EYS: variants seen among roughly 807,000 people sequenced by gnomAD.
EYS encodes protein eyes shut homolog.
EYS carries 250 observed loss-of-function variants against 282.1 expected under a neutral mutation model. That is an observed-to-expected ratio of 0.89 (90% CI 0.80 to 0.98). The LOEUF is 0.98. EYS is among the 50% of genes least tolerant of loss of function. The probability of loss-of-function intolerance (pLI) is 0.00; values close to 1 mark genes in which losing one functional copy is unlikely to be tolerated. For missense variants in EYS, 4,016 were observed against 3,709.0 expected, an observed-to-expected ratio of 1.08 and a Z score of -2.15; for synonymous variants, 1,355 against 1,282.9, an observed-to-expected ratio of 1.06 and a Z score of -1.20.
At chr6:64,235,302 A>G (rs1209817337) in intron 30 of EYS, among the ~76,000 whole-genome samples, 2 of 131,526 alleles carry the variant, frequency 1.5e-5, no homozygotes, top group East Asian at 2.3e-4. Flanking sequence ...ATGTGTCCTC[A>G]TTGTTCAATT....
chr6:64,257,478 T>C (rs1396884924), intron 30 of EYS, among the ~76,000 whole-genome samples: 1 of 152,046 alleles, frequency 6.6e-6, no homozygotes, highest in Non-Finnish European at 1.5e-5. Flanking sequence ...CCCTCATCTG[T>C]GTCCCAAAGT....
chr6:64,538,894 A>G (rs1764610235), intron 26 of EYS, among the ~76,000 whole-genome samples: 1 of 152,236 alleles, frequency 6.6e-6, no homozygotes, highest in Non-Finnish European at 1.5e-5. Context: ...CTACTCCACC[A>G]GGAATAACAT....
chr6:65,382,927 T>C (rs575209525), intron 8 of EYS, among the ~76,000 whole-genome samples: 1 of 152,108 alleles, frequency 6.6e-6, no homozygotes, highest in South Asian at 2.1e-4. Flanking sequence ...GGTCAATACT[T>C]GACATCCTTG....
At chr6:65,295,525 A>C (rs1768636540) in intron 12 of EYS, among the ~76,000 whole-genome samples, 1 of 151,960 alleles carries the variant, frequency 6.6e-6, no homozygotes, top group Non-Finnish European at 1.5e-5. Context: ...AAAAGGTTGA[A>C]ATGCAGTACT....
intron 2 of EYS, among the ~76,000 whole-genome samples, chr6:65,593,949 G>T (rs1405742673): frequency 6.6e-6 from 1 of 151,894 alleles, no homozygotes; most frequent in African/African-American, 2.4e-5. Flanking sequence ...CAAGGAACTT[G>T]GAGCATAGAG....
intron 22 of EYS, among the ~76,000 whole-genome samples, chr6:64,716,252 G>T (rs1021029684): frequency 6.6e-6 from 1 of 152,166 alleles, no homozygotes; most frequent in African/African-American, 2.4e-5. Flanking sequence ...AGTCATGGTA[G>T]CCGCTCCATC....
chr6:64,466,758 A>G (rs769448620), intron 26 of EYS, among the ~76,000 whole-genome samples: 1 of 152,172 alleles, frequency 6.6e-6, no homozygotes, highest in Non-Finnish European at 1.5e-5. Flanking sequence ...TACTACCACA[A>G]AAATTGATAT....
chr6:63,928,976 A>G (rs16894686), intron 35 of EYS, among the ~76,000 whole-genome samples: 3,926 of 152,284 alleles, frequency 0.026, 146 homozygotes, highest in African/African-American at 0.089. Flanking sequence ...TATGATTTAT[A>G]CAAATCCACA....
intron 12 of EYS, among the ~76,000 whole-genome samples, chr6:65,076,576 C>G (rs370293841): frequency 7.9e-5 from 12 of 151,706 alleles, no homozygotes; most frequent in Non-Finnish European, 1.5e-4. Flanking sequence ...TAGAAAGCAA[C>G]AAAATTATGA....
chr6:63,757,966 T>C (rs962891106), intron 41 of EYS, among the ~76,000 whole-genome samples: 1 of 152,206 alleles, frequency 6.6e-6, no homozygotes, highest in African/African-American at 2.4e-5. Context: ...AGTGGCATGA[T>C]CACAGCTCAC....
chr6:64,967,598 G>A (rs527285168), intron 14 of EYS, among the ~76,000 whole-genome samples: 15 of 152,204 alleles, frequency 9.9e-5, no homozygotes, highest in Admixed American at 2.6e-4. Flanking sequence ...GATTACAGGC[G>A]TGAGCCACAG....
At chr6:64,538,480 GT>G (rs775771530) in intron 26 of EYS, among the ~76,000 whole-genome samples, 8 of 152,042 alleles carry the variant, frequency 5.3e-5, no homozygotes, top group Non-Finnish European at 1.0e-4. Flanking sequence ...ACCATATAGT[GT>G]TTTTGCTTTT....
chr6:63,791,152 AC>A (rs1226039614), intron 37 of EYS, among the ~76,000 whole-genome samples: 6 of 152,216 alleles, frequency 3.9e-5, no homozygotes, highest in Non-Finnish European at 7.3e-5. Context: ...TTCTGAGCTC[AC>A]CCAGAAAATG....
chr6:63,904,031 T>C (rs919237098), intron 35 of EYS, among the ~76,000 whole-genome samples: 1 of 152,226 alleles, frequency 6.6e-6, no homozygotes, highest in Admixed American at 6.5e-5. Context: ...CTAGCGTTGC[T>C]CCAGTCTTAT....
At chr6:64,535,714 T>A (rs1050105112) in intron 26 of EYS, among the ~76,000 whole-genome samples, 1 of 152,030 alleles carries the variant, frequency 6.6e-6, no homozygotes, top group East Asian at 1.9e-4. Flanking sequence ...CTCTTCAGCT[T>A]GGGCAACAGA....
chr6:64,890,908 GC>G (rs1208390064), intron 18 of EYS, among the ~76,000 whole-genome samples: 2 of 151,668 alleles, frequency 1.3e-5, no homozygotes, highest in Non-Finnish European at 2.9e-5. Context: ...TTTCCTTTTT[GC>G]TTTCAATCAA....
intron 8 of EYS, among the ~76,000 whole-genome samples, chr6:65,363,995 G>T (rs995765717): frequency 1.3e-5 from 2 of 149,942 alleles, no homozygotes; most frequent in Non-Finnish European, 3.0e-5. Flanking sequence ...TAATTATTGG[G>T]GCTTTATAAT....
At chr6:64,287,183 A>T (rs1768532628) in intron 30 of EYS, among the ~76,000 whole-genome samples, 1 of 152,148 alleles carries the variant, frequency 6.6e-6, no homozygotes. Flanking sequence ...GCCTTAATTA[A>T]GTCACTGCCT....
At chr6:64,697,812 C>T (rs193253979) in intron 22 of EYS, among the ~76,000 whole-genome samples, 8 of 151,990 alleles carry the variant, frequency 5.3e-5, no homozygotes, top group African/African-American at 1.4e-4. Flanking sequence ...CATGGTGGCA[C>T]GCACCTGTAG....
Sources: allele counts gnomAD v4.1 joint callset (sites outside exome capture counted in the v4.1 genomes callset), GRCh38; gene constraint gnomAD v4.1.1; transcripts MANE v1.5; gene names NCBI Gene and HGNC (gene_info 2026-07-23, HGNC 2026-07-21).